Variants in NUDT6 observed in about 807,000 individuals in gnomAD.
The protein encoded by NUDT6 is FAD diphosphatase NUDT6.
Under a neutral mutation model 36.8 loss-of-function variants are expected in NUDT6, and 24 were observed. That is an observed-to-expected ratio of 0.65 (90% CI 0.47 to 0.92). The LOEUF (loss-of-function observed/expected upper bound fraction) is 0.92, where lower values mean the gene tolerates loss of function less well. Among genes scored for constraint, NUDT6 ranks in the 40% least tolerant of loss-of-function variants. NUDT6 has a pLI of 0.00. For synonymous variants in NUDT6, 163 were observed against 157.0 expected, an observed-to-expected ratio of 1.04 and a Z score of -0.29; for missense variants, 388 against 392.8, an observed-to-expected ratio of 0.99 and a Z score of 0.10.
chr4:122,906,147 A>C (rs765643671), intron 3 of NUDT6, among the ~76,000 whole-genome samples: 45 of 152,312 alleles, frequency 3.0e-4, no homozygotes, highest in South Asian at 1.2e-3. Context: ...TCTCCTTTGC[A>C]GCTCTGATAT....
intron 2 of NUDT6, among the ~76,000 whole-genome samples, chr4:122,915,487 A>AAACAAAC (rs1553952497): frequency 7.2e-6 from 1 of 139,434 alleles, no homozygotes; most frequent in Non-Finnish European, 1.5e-5. Context: ...AAAAAAAAAA[A>AAACAAAC]AAAAAAAAAA....
intron 2 of NUDT6, 42 bp from the exon 3 acceptor site, chr4:122,912,665 T>C (rs1727754046): frequency 8.0e-7 from 1 of 1,246,314 alleles, no homozygotes; most frequent in Non-Finnish European, 1.2e-6. Context: ...AATATTAATT[T>C]CATTCACCTT....
rs113708696 is a variant in NUDT6, at chr4:122,899,044, A to ATTTT, written c.499-1370_499-1367dup. Among the ~76,000 whole-genome samples the ATTTT allele has an allele frequency of 3.5e-4, 24 of 69,412 alleles. 2 individuals are homozygous for ATTTT. Among genetic ancestry groups the ATTTT allele is most frequent in the African/African-American group, 5.0e-4 (11 of 22,092 alleles). The allele number at this position is 69,412 out of a possible 152,430, so 45.5% of individuals were successfully genotyped here. Reference sequence around the variant, plus strand: ...CTACAGGTGTGCACCACCACACCTAATTTTTTTTTTTTTTTTAGAGATGAG... The same window carrying ATTTT: ...CTACAGGTGTGCACCACCACACCTAATTTTTTTTTTTTTTTTTTTTAGAGATGAG... On this transcript the variant is annotated intron_variant, in intron 3 of 4. Coordinates refer to ENST00000304430, the MANE Select transcript of NUDT6 (RefSeq NM_007083.5).
intron 1 of NUDT6, 33 bp from the exon 2 acceptor site, chr4:122,917,737 C>T: frequency 6.3e-7 from 1 of 1,599,014 alleles, no homozygotes; most frequent in Non-Finnish European, 8.6e-7. Context: ...TAAATAATTT[C>T]CAAAGAGACG....
chr4:122,900,541 T>C (rs551442166), intron 3 of NUDT6, among the ~76,000 whole-genome samples: 64 of 150,360 alleles, frequency 4.3e-4, no homozygotes, highest in African/African-American at 1.5e-3. Flanking sequence ...ACTTTAGAGG[T>C]GATGAAACAC....
At chr4:122,900,647 T>C (rs1251099804) in intron 3 of NUDT6, among the ~76,000 whole-genome samples, 1 of 151,950 alleles carries the variant, frequency 6.6e-6, no homozygotes, top group Non-Finnish European at 1.5e-5. Context: ...AAAAGTCGAT[T>C]TGATATTTTC....
chr4:122,916,380 CTGTT>C (rs1372406003), intron 2 of NUDT6, among the ~76,000 whole-genome samples: 2 of 152,138 alleles, frequency 1.3e-5, no homozygotes, highest in East Asian at 1.9e-4. Context: ...TTTTAAACAA[CTGTT>C]TGGCACAATA....
intron 2 of NUDT6, among the ~76,000 whole-genome samples, chr4:122,913,655 A>C (rs537345845): frequency 6.6e-6 from 1 of 152,324 alleles, no homozygotes; most frequent in South Asian, 2.1e-4. Flanking sequence ...ATGTATATAC[A>C]CAACTTTATA....
intron 3 of NUDT6, among the ~76,000 whole-genome samples, chr4:122,910,685 A>T (rs532284264): frequency 7.2e-5 from 11 of 152,330 alleles, no homozygotes; most frequent in African/African-American, 2.4e-4. Context: ...ATATTGTATA[A>T]GTATTTATGC....
At chr4:122,912,986 T>C (rs779688565) in intron 2 of NUDT6, among the ~76,000 whole-genome samples, 5 of 152,250 alleles carry the variant, frequency 3.3e-5, no homozygotes, top group Non-Finnish European at 7.3e-5. Flanking sequence ...ACTTGTCACA[T>C]GAGGTCAGGT....
chr4:122,907,092 C>T (rs1473660084), intron 3 of NUDT6, among the ~76,000 whole-genome samples: 1 of 152,084 alleles, frequency 6.6e-6, no homozygotes, highest in African/African-American at 2.4e-5. Flanking sequence ...GTGGAGAAGC[C>T]CAAGCCACTG....
At chr4:122,900,057 ACC>A (rs57059464) in intron 3 of NUDT6, among the ~76,000 whole-genome samples, 2,248 of 88,766 alleles carry the variant, frequency 0.025, 24 homozygotes, top group Non-Finnish European at 0.038. Flanking sequence ...CACCCCCGCC[ACC>A]CCCCCCCCGG....
At chr4:122,899,211 T>C (rs898568436) in intron 3 of NUDT6, among the ~76,000 whole-genome samples, 9 of 151,764 alleles carry the variant, frequency 5.9e-5, no homozygotes, top group Non-Finnish European at 1.0e-4. Flanking sequence ...AGAAAAGTTA[T>C]AATGGAGCAG....
At position 122,915,469 on chromosome 4, in the gene NUDT6, C is replaced by CA. The variant is rs61032259; in HGVS notation, c.442+2031dup. On this transcript the variant is annotated intron_variant, in intron 2 of 4. Coordinates refer to ENST00000304430, the MANE Select transcript of NUDT6 (RefSeq NM_007083.5). Reference sequence around the variant, plus strand: ...TGGGTGACAAAGTGAGACCCTGCCTCAAAAAAAAAAAAAAAAAAAAAAAAA... The same window carrying CA: ...TGGGTGACAAAGTGAGACCCTGCCTCAAAAAAAAAAAAAAAAAAAAAAAAAA... 6.0e-3 allele frequency among the ~76,000 whole-genome samples: 254 copies of CA among 42,224 alleles called. 5 individuals carry two copies. Among genetic ancestry groups the CA allele is most frequent in the South Asian group, 0.013 (9 of 686 alleles). 27.7% of individuals were successfully genotyped at this position (42,224 alleles called of 152,430 possible).
At chr4:122,899,116 C>G (rs1416505637) in intron 3 of NUDT6, among the ~76,000 whole-genome samples, 1 of 139,340 alleles carries the variant, frequency 7.2e-6, no homozygotes, top group Non-Finnish European at 1.5e-5. Context: ...GAGGTTCAGG[C>G]TATCCTCCCA....
At chr4:122,894,506 G>A (rs1727290200) in intron 4 of NUDT6, 1 of 152,174 alleles carries the variant, frequency 6.6e-6, no homozygotes, top group African/African-American at 2.4e-5. Context: ...TTGATCACTT[G>A]AGGCTGAGAG....
intron 1 of NUDT6, 21 bp from the exon 2 acceptor site, chr4:122,917,725 T>C: frequency 1.9e-6 from 3 of 1,608,866 alleles, no homozygotes; most frequent in African/African-American, 2.7e-5. Flanking sequence ...AAGAAAAAAG[T>C]CTAAATAATT....
At chr4:122,907,667 T>C (rs945208795) in intron 3 of NUDT6, among the ~76,000 whole-genome samples, 1 of 151,974 alleles carries the variant, frequency 6.6e-6, no homozygotes, top group East Asian at 1.9e-4. Flanking sequence ...GCCAGGTTGG[T>C]CTCGATCTCC....
At chr4:122,902,275 C>T (rs1339615458) in intron 3 of NUDT6, among the ~76,000 whole-genome samples, 4 of 151,510 alleles carry the variant, frequency 2.6e-5, no homozygotes, top group Admixed American at 1.3e-4. Context: ...TTGGGCATAC[C>T]GAACATAATG....
Sources: allele counts gnomAD v4.1 joint callset (sites outside exome capture counted in the v4.1 genomes callset), GRCh38; gene constraint gnomAD v4.1.1; transcripts MANE v1.5; gene names NCBI Gene and HGNC (gene_info 2026-07-23, HGNC 2026-07-21).